Variants in PLEKHF2 observed in about 807,000 individuals in gnomAD.
PLEKHF2 encodes pleckstrin homology and FYVE domain containing 2.
In PLEKHF2, 4 loss-of-function variants were observed where a neutral mutation model predicts 14.7. The observed-to-expected ratio is 0.27, with a 90% CI of 0.13 to 0.62. PLEKHF2 has a LOEUF of 0.62. PLEKHF2 is among the 20% of genes least tolerant of loss of function. The pLI, the probability that PLEKHF2 is intolerant of heterozygous loss-of-function variation, is 0.85. For missense variants in PLEKHF2, 201 were observed against 307.7 expected (o/e 0.65, Z 2.60); for synonymous variants, 90 against 103.5 (o/e 0.87, Z 0.79).
At chr8:95,136,080 A>G (rs1227992767) in intron 1 of PLEKHF2, among the ~76,000 whole-genome samples, 3 of 152,296 alleles carry the variant, frequency 2.0e-5, no homozygotes, top group South Asian at 4.1e-4. Context: ...TTCTGTCATG[A>G]CATCTCCTTG....
intron 1 of PLEKHF2, among the ~76,000 whole-genome samples, chr8:95,146,658 G>T (rs1587307798): frequency 6.6e-6 from 1 of 152,012 alleles, no homozygotes; most frequent in Non-Finnish European, 1.5e-5. Context: ...TGCAGTTCTT[G>T]TCTGTAGTGT....
Position 95,155,857 on chromosome 8 carries a change from C to G in PLEKHF2, c.*1063C>G, listed in dbSNP as rs1810613340. 6.0e-6 allele frequency: 1 copy of G among 167,018 alleles called. No homozygotes were observed. Among genetic ancestry groups the G allele is most frequent in the African/African-American group, 2.4e-5 (1 of 41,454 alleles). 10.3% of individuals were successfully genotyped at this position (167,018 alleles called of 1,614,324 possible). A position where few individuals can be genotyped will look rare whatever the true frequency, so the allele number is the denominator to read the frequency against. On this transcript the variant is annotated 3_prime_UTR_variant, in exon 2 of 2. Transcript: ENST00000315367. ...AGACTTCATATCGTGGAAGTATTGT[C>G]TATTTCAGTGTGAAACTATCTTGAA... is the stretch of plus-strand genomic sequence containing the variant.
intron 1 of PLEKHF2, among the ~76,000 whole-genome samples, chr8:95,142,190 A>G (rs1810446844): frequency 6.6e-6 from 1 of 152,224 alleles, no homozygotes; most frequent in African/African-American, 2.4e-5. Context: ...ATGTCACAGG[A>G]TAACTAATTC....
intron 1 of PLEKHF2, among the ~76,000 whole-genome samples, chr8:95,144,844 A>G (rs998900490): frequency 1.3e-5 from 2 of 150,162 alleles, no homozygotes; most frequent in Non-Finnish European, 3.0e-5. Flanking sequence ...AGCCTAGGTG[A>G]CAAGAGCAAA....
rs1280925495 is a variant in PLEKHF2, at chr8:95,156,317, AC to A, written c.*1524del. ...GTGATGGAGGATTCTTTGGTATCTTACTGTTTGGTTAAGGCACTAATTTTAC... is the reference window on the plus strand; with the variant it reads ...GTGATGGAGGATTCTTTGGTATCTTATGTTTGGTTAAGGCACTAATTTTAC... On this transcript the variant is annotated 3_prime_UTR_variant, in exon 2 of 2. Transcript: ENST00000315367. The A allele has an allele frequency of 6.0e-6, 1 of 166,994 alleles. No individual in the cohort carries two copies. The highest frequency in any genetic ancestry group is 1.5e-5 in the Non-Finnish European group (1 of 68,096). The allele number at this position is 166,994 out of a possible 1,614,324, so 10.3% of individuals were successfully genotyped here. A position where few individuals can be genotyped will look rare whatever the true frequency, so the allele number is the denominator to read the frequency against.
rs748763351 is a variant in PLEKHF2 at position 95,155,487 on chromosome 8, A to G, written c.*693A>G. The stretch of plus-strand genomic sequence containing the variant: ...ATATGAATAAATATTTTTCCATAAA[A>G]TAGTTGTGATTATATTTTTGTTTTA... On this transcript the variant is annotated 3_prime_UTR_variant, in exon 2 of 2. Transcript: ENST00000315367. The G allele has an allele frequency of 1.6e-4, 26 of 167,060 alleles. No individual in the cohort carries two copies. Among genetic ancestry groups the G allele is most frequent in the Non-Finnish European group, 3.4e-4 (23 of 68,112 alleles). The allele number at this position is 167,060 out of a possible 1,614,324, so 10.3% of individuals were successfully genotyped here. A position where few individuals can be genotyped will look rare whatever the true frequency, so the allele number is the denominator to read the frequency against.
chr8:95,134,632 A>T (rs1412994374), intron 1 of PLEKHF2, among the ~76,000 whole-genome samples: 1 of 152,162 alleles, frequency 6.6e-6, no homozygotes, highest in Non-Finnish European at 1.5e-5. Flanking sequence ...CCTTTGACGA[A>T]TTTATTTTTC....
chr8:95,138,171 T>C (rs77426108), intron 1 of PLEKHF2, among the ~76,000 whole-genome samples: 12,262 of 152,194 alleles, frequency 0.081, 671 homozygotes, highest in African/African-American at 0.14. Context: ...TTATACTAGT[T>C]ACTTTCTAAT....
rs552091577 is a variant in PLEKHF2, at chr8:95,152,562, A to G, written c.-14-1469A>G. ...AGCCGTTTTTATTTCCTTTTCTGTG[A>G]TGTACTTGTGCATAGGATAGTAGGC... On this transcript the variant is annotated intron_variant, in intron 1 of 1. Coordinates refer to ENST00000315367, the MANE Select transcript of PLEKHF2 (RefSeq NM_024613.4). 3.3e-5 allele frequency among the ~76,000 whole-genome samples: 5 copies of G among 151,970 alleles called. No homozygotes were observed. The East Asian group carries it at 5.8e-4, about 18-fold the overall frequency.
At chr8:95,138,798 AATTT>A (rs1241875429) in intron 1 of PLEKHF2, among the ~76,000 whole-genome samples, 5 of 152,192 alleles carry the variant, frequency 3.3e-5, no homozygotes, top group South Asian at 4.1e-4. Context: ...GATGTGCCAT[AATTT>A]ATTTAGTCTC....
At chr8:95,136,107 C>T (rs1369649353) in intron 1 of PLEKHF2, among the ~76,000 whole-genome samples, 1 of 152,124 alleles carries the variant, frequency 6.6e-6, no homozygotes, top group Admixed American at 6.5e-5. Context: ...GGCAACACAT[C>T]GGGTCTGATT....
intron 1 of PLEKHF2, among the ~76,000 whole-genome samples, chr8:95,139,808 GA>G (rs1415349849): frequency 4.4e-5 from 6 of 135,802 alleles, no homozygotes; most frequent in Non-Finnish European, 9.4e-5. Flanking sequence ...ATTAGTCCTT[GA>G]TTTTTTTTTT....
In PLEKHF2 at chr8:95,154,690, A is replaced by G. The variant is rs766973720; in HGVS notation, c.646A>G (p.Met216Val). Residue 216 changes from methionine (M) to valine (V), a missense_variant, in exon 2 of 2, where the codon ATG becomes GTG. Physicochemically the swap from Met to Val is conservative, Grantham distance 21. Transcript: ENST00000315367. The surrounding 1 kb of genome is among the most constrained non-coding windows in gnomAD (Gnocchi z 5.6). ...FCYDLLSAGDMATCQPARSDS... is the reference protein window; with the variant it reads ...FCYDLLSAGDVATCQPARSDS... Reference sequence around the variant, plus strand: ...CTATGACCTGCTTTCTGCTGGGGACATGGCCACATGCCAGCCTGCTAGATC... The same window carrying G: ...CTATGACCTGCTTTCTGCTGGGGACGTGGCCACATGCCAGCCTGCTAGATC... 3.7e-6 allele frequency: 6 copies of G among 1,614,028 alleles called. No homozygotes were observed. The South Asian group carries it at 5.5e-5, about 15-fold the overall frequency.
intron 1 of PLEKHF2, among the ~76,000 whole-genome samples, chr8:95,152,685 A>G (rs1810575922): frequency 2.0e-5 from 3 of 152,092 alleles, no homozygotes; most frequent in South Asian, 2.1e-4. Context: ...TAGGCCTGCT[A>G]CATCCTACTT....
At chr8:95,144,756 A>G (rs1434080735) in intron 1 of PLEKHF2, among the ~76,000 whole-genome samples, 1 of 151,710 alleles carries the variant, frequency 6.6e-6, no homozygotes, top group Admixed American at 6.6e-5. Context: ...AATCCCAGCT[A>G]CTCAGGAGGC....
At chr8:95,144,968 T>C (rs572319049) in intron 1 of PLEKHF2, among the ~76,000 whole-genome samples, 1 of 152,052 alleles carries the variant, frequency 6.6e-6, no homozygotes, top group South Asian at 2.1e-4. Flanking sequence ...AAAATTAAAG[T>C]AATGATCACT....
intron 1 of PLEKHF2, among the ~76,000 whole-genome samples, chr8:95,150,420 A>G (rs892035871): frequency 6.8e-6 from 1 of 147,474 alleles, no homozygotes; most frequent in Non-Finnish European, 1.5e-5. Context: ...ATTAAAATAA[A>G]TGAAGATAAA....
At chr8:95,142,245 T>C (rs1810447333) in intron 1 of PLEKHF2, among the ~76,000 whole-genome samples, 2 of 152,166 alleles carry the variant, frequency 1.3e-5, no homozygotes, top group African/African-American at 4.8e-5. Context: ...ATTTTTCAGA[T>C]ATTATTTAAT....
At chr8:95,153,046 A>G (rs1810579327) in intron 1 of PLEKHF2, among the ~76,000 whole-genome samples, 1 of 152,168 alleles carries the variant, frequency 6.6e-6, no homozygotes. Context: ...TGTTATTAAC[A>G]TTTTTTAGTA....
Sources: allele counts gnomAD v4.1 joint callset (sites outside exome capture counted in the v4.1 genomes callset), GRCh38; gene constraint gnomAD v4.1.1; non-coding constraint Gnocchi (gnomAD v3.1); transcripts MANE v1.5; gene names NCBI Gene and HGNC (gene_info 2026-07-23, HGNC 2026-07-21).